The following TMEM41A variants were observed in gnomAD, a reference collection of about 807,000 sequenced individuals.
The protein encoded by TMEM41A is transmembrane protein 41A.
A neutral mutation model predicts 25.7 loss-of-function variants in TMEM41A; 20 were observed. The ratio of observed to expected loss-of-function variants is 0.78; its 90% CI spans 0.55 to 1.13. The LOEUF is 1.13. Ranked by LOEUF, TMEM41A falls within the 50% of genes most tolerant of loss-of-function variation. The probability of loss-of-function intolerance (pLI) is 0.00; values close to 1 mark genes in which losing one functional copy is unlikely to be tolerated. For missense variants in TMEM41A, 299 were observed against 314.3 expected (o/e 0.95, Z 0.37); for synonymous variants, 133 against 139.6 (o/e 0.95, Z 0.33).
chr3:185,496,734 A>C (rs1363923122), intron 2 of TMEM41A, 94 bp downstream of exon 2: 8 of 1,478,290 alleles, frequency 5.4e-6, no homozygotes, highest in Non-Finnish European at 7.3e-6. Flanking sequence ...TGTCACTTTT[A>C]ATCATCCCCA....
rs1168616198 is a variant in TMEM41A, at chr3:185,489,754, A to C, written c.*1783T>G. 6.6e-6 allele frequency: 1 copy of C among 152,182 alleles called. No homozygotes were observed. The highest frequency in any genetic ancestry group is 2.4e-5 in the African/African-American group (1 of 41,428). The allele number at this position is 152,182 out of a possible 1,614,324, so 9.4% of individuals were successfully genotyped here. On this transcript the variant is annotated 3_prime_UTR_variant, in exon 5 of 5. Transcript: ENST00000421852. The stretch of plus-strand genomic sequence containing the variant: ...GGCACACACTTGCGATGATGTGGAA[A>C]ACATGTTTCTCCTTCCCTCCCCCTA...
Position 185,491,723 on chromosome 3 carries a change from T to G in TMEM41A, c.609A>C (p.Thr203=). ...LIPYNFICVQ[T]GSILSTLTSL... is the part of the protein sequence containing the mutation. ...AGGTTAGGGTTGACAGGATGGACCC[T>G]GTCTGCACACAGATGAAATTATATG... The change falls in exon 5 of 5, where the codon ACA becomes ACC. Residue 203 remains threonine, a synonymous_variant. Coordinates refer to ENST00000421852, the MANE Select transcript of TMEM41A (RefSeq NM_080652.4). 6.2e-7 allele frequency: 1 copy of G among 1,614,080 alleles called. No homozygotes were observed. Among genetic ancestry groups the G allele is most frequent in the Non-Finnish European group, 8.5e-7 (1 of 1,179,986 alleles).
At chr3:185,498,087 C>CGCCA (rs986988203) in intron 1 of TMEM41A, among the ~76,000 whole-genome samples, 5 of 108,704 alleles carry the variant, frequency 4.6e-5, no homozygotes, top group African/African-American at 1.4e-4. Context: ...TGAGACCCCC[C>CGCCA]CCCCGCGTCC....
Position 185,491,391 on chromosome 3 carries a change from C to T in TMEM41A, c.*146G>A, listed in dbSNP as rs550340182. ...TAATACACCTTCAAGAGCAGAGTGTCCTTTCTGAAAAGACACTGCACATTG... is the reference window on the plus strand; with the variant it reads ...TAATACACCTTCAAGAGCAGAGTGTTCTTTCTGAAAAGACACTGCACATTG... On this transcript the variant is annotated 3_prime_UTR_variant, in exon 5 of 5. Coordinates refer to ENST00000421852, the MANE Select transcript of TMEM41A (RefSeq NM_080652.4). 11 of 645,382 alleles carry T rather than the reference C, an allele frequency of 1.7e-5. No individual in the cohort carries two copies. The East Asian group carries it at 2.2e-4, about 13-fold the overall frequency. The allele number at this position is 645,382 out of a possible 1,614,324, so 40.0% of individuals were successfully genotyped here. A position where few individuals can be genotyped will look rare whatever the true frequency, so the allele number is the denominator to read the frequency against.
chr3:185,496,501 G>A (rs1484850654), intron 2 of TMEM41A: 13 of 365,486 alleles, frequency 3.6e-5, no homozygotes, highest in South Asian at 2.5e-4. Flanking sequence ...CCCTGACCCC[G>A]AGCCCCACAC....
chr3:185,494,737 A>G lies in TMEM41A; in HGVS notation c.460T>C (p.Phe154Leu). ...AGTCTCAAAAACAATAAGAAAAAAAACAAGCTGTTTCTGTTCTCCTCCACC... is the reference window on the plus strand; with the variant it reads ...AGTCTCAAAAACAATAAGAAAAAAAGCAAGCTGTTTCTGTTCTCCTCCACC... Reference protein sequence around the residue: ...RKVEENRNSLFFFLLFLRLFP... With the variant: ...RKVEENRNSLLFFLLFLRLFP... Residue 154 changes from phenylalanine (F) to leucine (L), a missense_variant, in exon 4 of 5, where the codon TTT becomes CTT. Phe to Leu is a conservative substitution (Grantham distance 22). Coordinates refer to ENST00000421852, the MANE Select transcript of TMEM41A (RefSeq NM_080652.4). The G allele has an allele frequency of 6.2e-7, 1 of 1,612,106 alleles. No homozygotes were observed. The highest frequency in any genetic ancestry group is 2.2e-5 in the East Asian group (1 of 44,886).
chr3:185,496,771 G>A, intron 2 of TMEM41A, 57 bp downstream of exon 2: 1 of 1,559,698 alleles, frequency 6.4e-7, no homozygotes, highest in Non-Finnish European at 8.7e-7. Context: ...GGTTACAGGG[G>A]AGTATCCAAA....
chr3:185,495,018 A>G, intron 3 of TMEM41A, 136 bp downstream of exon 3: 1 of 1,141,048 alleles, frequency 8.8e-7, no homozygotes, highest in Non-Finnish European at 1.2e-6. Context: ...TCCTGAAGAC[A>G]TCAAAAGAAC....
intron 4 of TMEM41A, chr3:185,492,416 T>C (rs186690799): frequency 6.6e-6 from 1 of 152,200 alleles, no homozygotes; most frequent in African/African-American, 2.4e-5. Flanking sequence ...TTCACCTGTT[T>C]GCCAAAAGTG....
intron 2 of TMEM41A, 109 bp downstream of exon 2, chr3:185,496,719 C>T: frequency 7.2e-7 from 1 of 1,396,064 alleles, no homozygotes; most frequent in South Asian, 1.2e-5. Context: ...CCCCGATACA[C>T]CCACTGTCAC....
rs779779301 is a variant in TMEM41A at position 185,494,580 on chromosome 3, G to A, written c.574+43C>T. The A allele has an allele frequency of 1.8e-5, 27 of 1,521,668 alleles. No homozygotes were observed. The Admixed American group carries it at 3.5e-4, about 20-fold the overall frequency. The allele number at this position is 1,521,668 out of a possible 1,614,324, so 94.3% of individuals were successfully genotyped here. On this transcript the variant is annotated intron_variant, in intron 4 of 4. Transcript: ENST00000421852. ...CAATAACCCAGGGCAGACCCCCAGC[G>A]TGACAGCTCTGAAGACTCAAACCTA...
intron 4 of TMEM41A, 39 bp downstream of exon 4, chr3:185,494,584 C>G: frequency 2.0e-6 from 3 of 1,529,236 alleles, no homozygotes; most frequent in Non-Finnish European, 2.6e-6. Flanking sequence ...CCCAGCGTGA[C>G]AGCTCTGAAG....
chr3:185,491,849 G>GTT (rs11403038), intron 4 of TMEM41A, 92 bp from the exon 5 acceptor site: 5 of 909,606 alleles, frequency 5.5e-6, no homozygotes, highest in Non-Finnish European at 8.1e-6. Flanking sequence ...AGTGACTACG[G>GTT]TTTTTTTTTG....
intron 4 of TMEM41A, chr3:185,493,303 G>A (rs972267590): frequency 8.7e-5 from 13 of 150,222 alleles, no homozygotes; most frequent in African/African-American, 2.2e-4. Context: ...CTCGCTGCAG[G>A]TCATATAATT....
At chr3:185,495,012 G>A in intron 3 of TMEM41A, 142 bp downstream of exon 3, 1 of 1,098,740 alleles carries the variant, frequency 9.1e-7, no homozygotes, top group Non-Finnish European at 1.3e-6. Context: ...TATGTCTCCT[G>A]AAGACATCAA....
chr3:185,498,886 G>C lies in TMEM41A; in HGVS notation c.76C>G (p.Pro26Ala), dbSNP rs1226772738. 1.9e-6 allele frequency: 3 copies of C among 1,606,274 alleles called. No homozygotes were observed. The highest frequency in any genetic ancestry group is 1.7e-6 in the Non-Finnish European group (2 of 1,177,214). ...FALYLLSTRL[P>A]RGRRLGSTEE... ...GTGGAGCCCAGTCTCCGCCCGCGGG[G>C]CAGTCGCGTCGACAGCAAGTACAAG... The change falls in exon 1 of 5, where the codon CCC (proline) becomes GCC (alanine). Residue 26 changes from proline (P) to alanine (A), a missense_variant. Transcript: ENST00000421852.
chr3:185,491,466 G>T lies in TMEM41A; in HGVS notation c.*71C>A. On this transcript the variant is annotated 3_prime_UTR_variant, in exon 5 of 5. Transcript: ENST00000421852. ...AGAAGGCAATCAAAAACAATGAGGG[G>T]CTTTAGAGGACCACATCCATTACAC... 2.4e-6 allele frequency: 3 copies of T among 1,250,578 alleles called. No individual in the cohort carries two copies. Among genetic ancestry groups the T allele is most frequent in the Non-Finnish European group, 3.5e-6 (3 of 868,424 alleles). 77.5% of individuals were successfully genotyped at this position (1,250,578 alleles called of 1,614,324 possible).
At chr3:185,494,829 G>A in intron 3 of TMEM41A, 68 bp from the exon 4 acceptor site, 1 of 1,506,604 alleles carries the variant, frequency 6.6e-7, no homozygotes, top group East Asian at 2.3e-5. Context: ...ACCTGCTGGT[G>A]CCAGGCACTG....
chr3:185,494,343 T>C, intron 4 of TMEM41A: 1 of 314,164 alleles, frequency 3.2e-6, no homozygotes, highest in South Asian at 1.4e-4. Context: ...GGCCAATTTG[T>C]ATACTTTACA....
Sources: gnomAD v4.1 joint callset for allele counts (sites outside exome capture counted in the v4.1 genomes callset) on GRCh38, gnomAD v4.1.1 for gene constraint, MANE v1.5 for transcripts, NCBI Gene and HGNC (gene_info 2026-07-23, HGNC 2026-07-21) for gene names.